Variants in MUCL1 observed in about 807,000 individuals in gnomAD.
The protein encoded by MUCL1 is mucin like 1.
In MUCL1, 11 loss-of-function variants were observed where a neutral mutation model predicts 9.2. That is an observed-to-expected ratio of 1.19 (90% CI 0.75 to 1.97). MUCL1 has a LOEUF of 1.97. Among genes scored for constraint, MUCL1 ranks in the 30% most tolerant of loss-of-function variants. The pLI, the probability that MUCL1 is intolerant of heterozygous loss-of-function variation, is 0.00. For synonymous variants in MUCL1, 48 were observed against 40.5 expected (o/e 1.19, Z -0.71); for missense variants, 144 against 110.9 (o/e 1.30, Z -1.34).
intron 1 of MUCL1, among the ~76,000 whole-genome samples, chr12:54,842,225 A>T (rs1959215855): frequency 6.6e-6 from 1 of 151,876 alleles, no homozygotes; most frequent in South Asian, 2.1e-4. Flanking sequence ...ATTACTATTT[A>T]CTTGGTTACA....
At chr12:54,857,044 G>T (rs1697659662) in intron 3 of MUCL1, 152 bp downstream of exon 3, 2 of 1,222,604 alleles carry the variant, frequency 1.6e-6, no homozygotes, top group Admixed American at 4.5e-5. Flanking sequence ...CAAGTCAACA[G>T]ATAAATATCA....
upstream of MUCL1, among the ~76,000 whole-genome samples, chr12:54,850,412 T>C (rs1959320932): frequency 6.6e-6 from 1 of 151,604 alleles, no homozygotes. Context: ...ACACGGTGTT[T>C]GGTTTTTTGT....
upstream of MUCL1, among the ~76,000 whole-genome samples, chr12:54,850,550 A>T (rs1265392777): frequency 1.3e-5 from 2 of 151,966 alleles, no homozygotes; most frequent in Non-Finnish European, 2.9e-5. Context: ...TTCTTAATCC[A>T]GTCTATCATT....
At chr12:54,834,105 T>G (rs1289084379) in intron 1 of MUCL1, among the ~76,000 whole-genome samples, 1 of 152,140 alleles carries the variant, frequency 6.6e-6, no homozygotes, top group Non-Finnish European at 1.5e-5. Flanking sequence ...AACCTATCTC[T>G]TCAGGGTTAG....
chr12:54,844,909 A>G (rs761882103), intron 1 of MUCL1, among the ~76,000 whole-genome samples: 3 of 152,334 alleles, frequency 2.0e-5, no homozygotes, highest in African/African-American at 4.8e-5. Flanking sequence ...CACAAAAACT[A>G]TTTTAATAGA....
chr12:54,837,701 G>A (rs910540312), upstream of MUCL1, among the ~76,000 whole-genome samples: 14 of 152,248 alleles, frequency 9.2e-5, no homozygotes, highest in Non-Finnish European at 1.3e-4. Flanking sequence ...CCCAGGAGGC[G>A]GAGCTTGCAG....
chr12:54,848,296 A>G (rs1959285016), intron 1 of MUCL1, among the ~76,000 whole-genome samples: 1 of 152,012 alleles, frequency 6.6e-6, no homozygotes, highest in African/African-American at 2.4e-5. Context: ...GATATGCTCT[A>G]CATTAGAGTG....
At chr12:54,843,902 A>T (rs1407136128) in intron 1 of MUCL1, among the ~76,000 whole-genome samples, 1 of 152,230 alleles carries the variant, frequency 6.6e-6, no homozygotes. Flanking sequence ...ATGCAGAAAT[A>T]CGAAAGTAAT....
At chr12:54,849,291 A>G (rs992995788) in intron 1 of MUCL1, among the ~76,000 whole-genome samples, 11 of 152,084 alleles carry the variant, frequency 7.2e-5, no homozygotes, top group Non-Finnish European at 1.6e-4. Flanking sequence ...GCAGTGTATG[A>G]AATATTAGCC....
rs770169087 is a variant in MUCL1 at position 54,854,606 on chromosome 12, A to G, written c.24A>G (p.Val8=). ...CCATGAAGTTCTTAGCAGTCCTGGT[A>G]CTCTTGGGAGTTTCCATCTTTCTGG... The part of the protein sequence containing the change: MKFLAVL[V]LLGVSIFLVS... The change falls in exon 1 of 4, where the codon GTA becomes GTG. Residue 8 remains valine, a synonymous_variant. Transcript: ENST00000308796. The G allele has an allele frequency of 1.2e-6, 2 of 1,613,430 alleles. No individual in the cohort carries two copies. Among genetic ancestry groups the G allele is most frequent in the Non-Finnish European group, 1.7e-6 (2 of 1,179,624 alleles).
In MUCL1 at chr12:54,839,427, A is replaced by G. The variant is rs1294821839; in HGVS notation, c.23A>G (p.Gln8Arg). 5.7e-6 allele frequency: 4 copies of G among 701,972 alleles called. No homozygotes were observed. In the Admixed American group the frequency reaches 6.0e-5, roughly 11 times the overall value. 43.5% of individuals were successfully genotyped at this position (701,972 alleles called of 1,614,324 possible). Residue 8 changes from glutamine to arginine, a missense_variant, in exon 1 of 4, where the codon CAA (glutamine) becomes CGA (arginine). Coordinates refer to the MUCL1 transcript ENST00000546809. ...AGTATGGGAGGTGACCATGGGTATCAACTGGCAGTGACTAAAGCAGGTGGG... is the reference window on the plus strand; with the variant it reads ...AGTATGGGAGGTGACCATGGGTATCGACTGGCAGTGACTAAAGCAGGTGGG...
At chr12:54,856,214 G>T (rs1868298128) in intron 2 of MUCL1, among the ~76,000 whole-genome samples, 1 of 152,152 alleles carries the variant, frequency 6.6e-6, no homozygotes, top group Admixed American at 6.6e-5. Context: ...GCCACAGAGG[G>T]TGAGACAAAT....
upstream of MUCL1, among the ~76,000 whole-genome samples, chr12:54,851,835 C>A (rs1183430081): frequency 6.6e-6 from 1 of 152,092 alleles, no homozygotes; most frequent in Admixed American, 6.5e-5. Flanking sequence ...AATCAATGTG[C>A]AAAAATCACA....
At chr12:54,849,301 C>T (rs2135943926) in intron 1 of MUCL1, among the ~76,000 whole-genome samples, 1 of 151,956 alleles carries the variant, frequency 6.6e-6, no homozygotes, top group Non-Finnish European at 1.5e-5. Flanking sequence ...AAATATTAGC[C>T]ATAAAGGAGT....
upstream of MUCL1, among the ~76,000 whole-genome samples, chr12:54,854,203 G>T (rs559856372): frequency 6.6e-5 from 10 of 152,310 alleles, no homozygotes; most frequent in African/African-American, 2.4e-4. Flanking sequence ...TTTCAGGAAG[G>T]CTGGTTATGG....
At chr12:54,839,827 G>C (rs1199161499) in intron 1 of MUCL1, among the ~76,000 whole-genome samples, 1 of 152,302 alleles carries the variant, frequency 6.6e-6, no homozygotes, top group Non-Finnish European at 1.5e-5. Flanking sequence ...AGTTCCAACT[G>C]TGTCACCTGT....
At chr12:54,849,792 G>C (rs1380972717), upstream of MUCL1, among the ~76,000 whole-genome samples, 1 of 152,002 alleles carries the variant, frequency 6.6e-6, no homozygotes, top group African/African-American at 2.4e-5. Context: ...CTTTATGCTT[G>C]AATTTTAGAT....
chr12:54,832,897 T>A (rs1363560768), intron 1 of MUCL1, among the ~76,000 whole-genome samples: 1 of 152,130 alleles, frequency 6.6e-6, no homozygotes, highest in African/African-American at 2.4e-5. Flanking sequence ...TGTCCTGGTA[T>A]AAAGTGATCA....
intron 1 of MUCL1, among the ~76,000 whole-genome samples, chr12:54,833,387 C>A (rs1472710482): frequency 6.6e-6 from 1 of 152,096 alleles, no homozygotes; most frequent in African/African-American, 2.4e-5. Context: ...ATCCACATAT[C>A]TTTACAGTTA....
Sources: allele counts gnomAD v4.1 joint callset (sites outside exome capture counted in the v4.1 genomes callset), GRCh38; gene constraint gnomAD v4.1.1; transcripts MANE v1.5; gene names NCBI Gene and HGNC (gene_info 2026-07-23, HGNC 2026-07-21).